The following DNAH9 variants were observed in gnomAD, a reference collection of about 807,000 sequenced individuals.
DNAH9 encodes DNAH9 variant protein.
DNAH9 carries 345 observed loss-of-function variants against 471.6 expected under a neutral mutation model. The observed-to-expected ratio is 0.73, with a 90% CI of 0.67 to 0.80. DNAH9 has a LOEUF of 0.80. Ranked by LOEUF, DNAH9 falls within the 30% of genes least tolerant of loss-of-function variation. The pLI, the probability that DNAH9 is intolerant of heterozygous loss-of-function variation, is 0.00. For missense variants in DNAH9, 5,407 were observed against 5,609.2 expected (o/e 0.96, Z 1.15); for synonymous variants, 2,093 against 2,123.6 (o/e 0.99, Z 0.40).
chr17:11,734,039 G>A (rs961026064), intron 28 of DNAH9, among the ~76,000 whole-genome samples: 11 of 152,082 alleles, frequency 7.2e-5, no homozygotes, highest in African/African-American at 2.7e-4. Flanking sequence ...GTGGCCCAGT[G>A]GCAAGAACAG....
At chr17:11,960,022 A>G (rs540308055) in intron 67 of DNAH9, among the ~76,000 whole-genome samples, 7 of 152,364 alleles carry the variant, frequency 4.6e-5, no homozygotes, top group African/African-American at 1.7e-4. Context: ...ATTATACTTC[A>G]TGTAGGAAGT....
At position 11,797,628 on chromosome 17, in the gene DNAH9, G is replaced by C. The variant is rs1969289445; in HGVS notation, c.8255G>C (p.Ser2752Thr). ...GAAGACCCTGTGGAGCAGACCCAAAGCCCGAACCTGTATTGTCACTTTGCA... is the reference window on the plus strand; with the variant it reads ...GAAGACCCTGTGGAGCAGACCCAAACCCCGAACCTGTATTGTCACTTTGCA... The part of the protein sequence containing the change: ...DIEDPVEQTQ[S>T]PNLYCHFANG... Residue 2752 changes from serine (S) to threonine (T), a missense_variant, in exon 43 of 69, where the codon AGC (serine) becomes ACC (threonine). This residue lies in a region of DNAH9 where 4,636 missense variants were observed against 4,900.3 expected (regional missense o/e 0.95). Transcript: ENST00000262442. 5 of 1,613,820 alleles carry C rather than the reference G, an allele frequency of 3.1e-6. No homozygotes were observed. Among genetic ancestry groups the C allele is most frequent in the African/African-American group, 2.7e-5 (2 of 74,914 alleles).
chr17:11,629,954 T>C (rs2073036641), intron 7 of DNAH9, among the ~76,000 whole-genome samples: 2 of 152,096 alleles, frequency 1.3e-5, no homozygotes, highest in Admixed American at 1.3e-4. Context: ...AAGACAAATG[T>C]TGCATGGTCT....
intron 61 of DNAH9, among the ~76,000 whole-genome samples, chr17:11,919,595 T>A (rs1974071104): frequency 6.8e-6 from 1 of 147,804 alleles, no homozygotes; most frequent in African/African-American, 2.5e-5. Flanking sequence ...ATTGAAAGAG[T>A]ACCAAAGCGC....
At position 11,937,830 on chromosome 17, in the gene DNAH9, C is replaced by T. The variant is rs1028537577; in HGVS notation, c.12660+308C>T. Among the ~76,000 whole-genome samples the T allele has an allele frequency of 6.6e-6, 1 of 152,176 alleles. No individual in the cohort carries two copies. On this transcript the variant is annotated intron_variant, in intron 66 of 68. Transcript: ENST00000262442. This position sits in a 1 kb window ranked among gnomAD's most constrained non-coding sequence, Gnocchi z 4.1. The stretch of plus-strand genomic sequence containing the variant: ...AAAGTGAAGAAAGGGCAGGGCTGAA[C>T]AGTGGTGGCTTGGGAACCTTGAATG...
chr17:11,762,788 T>TTTTTTTTTTTTTTTG (rs1597610213), intron 35 of DNAH9, among the ~76,000 whole-genome samples: 2 of 121,182 alleles, frequency 1.7e-5, no homozygotes, highest in Non-Finnish European at 3.4e-5. Context: ...TTTTTTTTTT[T>TTTTTTTTTTTTTTTG]TTTTTTTTTG....
At chr17:11,967,876 CA>C (rs2078707752) in intron 68 of DNAH9, among the ~76,000 whole-genome samples, 1 of 151,608 alleles carries the variant, frequency 6.6e-6, no homozygotes, top group African/African-American at 2.4e-5. Flanking sequence ...ATTATAGAGA[CA>C]AAAAAAGGAC....
At chr17:11,887,736 TCACACA>T (rs35670481) in intron 57 of DNAH9, among the ~76,000 whole-genome samples, 52 of 147,494 alleles carry the variant, frequency 3.5e-4, no homozygotes, top group Middle Eastern at 3.5e-3. Flanking sequence ...ATACACACAG[TCACACA>T]CACACACACA....
At chr17:11,703,954 C>T (rs2074649056) in intron 24 of DNAH9, among the ~76,000 whole-genome samples, 1 of 152,220 alleles carries the variant, frequency 6.6e-6, no homozygotes, top group Non-Finnish European at 1.5e-5. Flanking sequence ...CAGAGTCAAT[C>T]TTGGGTTCTT....
rs1382478833 is a variant in DNAH9 at position 11,869,768 on chromosome 17, G to T, written c.10053+515G>T. ...TCTGCAGGTCAGGGCAGCGGTGCTT[G>T]TGTTATGGGTGTTTGTTTCTGCATA... On this transcript the variant is annotated intron_variant, in intron 51 of 68. Coordinates refer to ENST00000262442, the MANE Select transcript of DNAH9 (RefSeq NM_001372.4). 2.0e-5 allele frequency among the ~76,000 whole-genome samples: 3 copies of T among 152,196 alleles called. No individual in the cohort carries two copies. The East Asian group carries it at 5.8e-4, about 29-fold the overall frequency.
At chr17:11,643,601 A>G (rs2073320434) in intron 10 of DNAH9, among the ~76,000 whole-genome samples, 1 of 152,176 alleles carries the variant, frequency 6.6e-6, no homozygotes, top group Non-Finnish European at 1.5e-5. Flanking sequence ...ACACAAACCT[A>G]TGTCTGTGGT....
At position 11,778,460 on chromosome 17, in the gene DNAH9, A is replaced by G. The variant is rs1012690978; in HGVS notation, c.7553-2549A>G. Among the ~76,000 whole-genome samples, 3 of 152,136 alleles carry G rather than the reference A, an allele frequency of 2.0e-5. No individual in the cohort carries two copies. In the East Asian group the frequency reaches 5.8e-4, roughly 29 times the overall value. Reference sequence around the variant, plus strand: ...AAAGATGCAAGTTTAGTGGAAGTCAACAAACTGGCTTTTGCTCCAAGTGAG... The same window carrying G: ...AAAGATGCAAGTTTAGTGGAAGTCAGCAAACTGGCTTTTGCTCCAAGTGAG... On this transcript the variant is annotated intron_variant, in intron 38 of 68. Coordinates refer to ENST00000262442, the MANE Select transcript of DNAH9 (RefSeq NM_001372.4).
intron 6 of DNAH9, among the ~76,000 whole-genome samples, chr17:11,627,552 T>C (rs2072991657): frequency 6.6e-6 from 1 of 152,230 alleles, no homozygotes; most frequent in South Asian, 2.1e-4. Flanking sequence ...GAGACTTGAA[T>C]TACTACTGAA....
Position 11,646,170 on chromosome 17 carries a change from C to T in DNAH9, c.1971-902C>T, listed in dbSNP as rs866732995. On this transcript the variant is annotated intron_variant, in intron 11 of 68. Coordinates refer to ENST00000262442, the MANE Select transcript of DNAH9 (RefSeq NM_001372.4). ...CTGGGATTACAGGTGTGAGCCACCA[C>T]GCCTGGCTAATTTTTTTTTTGTATT... Among the ~76,000 whole-genome samples, 6 of 140,852 alleles carry T rather than the reference C, an allele frequency of 4.3e-5. No homozygotes were observed. The South Asian group carries it at 9.3e-4, about 22-fold the overall frequency. The allele number at this position is 140,852 out of a possible 152,430, so 92.4% of individuals were successfully genotyped here.
chr17:11,727,539 T>C (rs1454982136), intron 27 of DNAH9, among the ~76,000 whole-genome samples: 1 of 152,150 alleles, frequency 6.6e-6, no homozygotes, highest in African/African-American at 2.4e-5. Context: ...TTTCCTGGGA[T>C]TTTGAAAGCT....
At chr17:11,716,819 A>C (rs960645190) in intron 26 of DNAH9, among the ~76,000 whole-genome samples, 3 of 152,152 alleles carry the variant, frequency 2.0e-5, no homozygotes, top group African/African-American at 7.2e-5. Flanking sequence ...GAAGGTGATG[A>C]GGTGAGTTGT....
In DNAH9 at chr17:11,613,329, T is replaced by A. The variant is rs557603346; in HGVS notation, c.904+1549T>A. 1.1e-4 allele frequency among the ~76,000 whole-genome samples: 17 copies of A among 152,148 alleles called. No individual in the cohort carries two copies. In the East Asian group the frequency reaches 2.9e-3, roughly 26 times the overall value. ...CTAGGGGAAAGTTTTTTAAAAAAAA[T>A]ATGTTAAAGGGGCTTGGCACAGTGG... is the stretch of plus-strand genomic sequence containing the variant. On this transcript the variant is annotated intron_variant, in intron 4 of 68. Coordinates refer to ENST00000262442, the MANE Select transcript of DNAH9 (RefSeq NM_001372.4).
intron 50 of DNAH9, among the ~76,000 whole-genome samples, chr17:11,860,808 G>T (rs749202181): frequency 6.6e-6 from 1 of 152,114 alleles, no homozygotes; most frequent in Non-Finnish European, 1.5e-5. Flanking sequence ...TGATCTGCCC[G>T]CCTCGGCCTC....
At chr17:11,822,175 T>C (rs1970330800) in intron 46 of DNAH9, 113 bp downstream of exon 46, 2 of 1,276,978 alleles carry the variant, frequency 1.6e-6, no homozygotes, top group Admixed American at 2.5e-5. Flanking sequence ...AGGTGGTGAG[T>C]GTGCGGCACC....
Sources: gnomAD v4.1 joint callset for allele counts (sites outside exome capture counted in the v4.1 genomes callset) on GRCh38, gnomAD v4.1.1 for gene constraint, gnomAD v4.1.1 regional missense constraint, Gnocchi (gnomAD v3.1) non-coding constraint, MANE v1.5 for transcripts, NCBI Gene and HGNC (gene_info 2026-07-23, HGNC 2026-07-21) for gene names.